The following VPS13B variants were observed in gnomAD, a reference collection of about 807,000 sequenced individuals.
The protein encoded by VPS13B is intermembrane lipid transfer protein VPS13B.
In VPS13B, 285 loss-of-function variants were observed where a neutral mutation model predicts 426.4. That is an observed-to-expected ratio of 0.67 (90% CI 0.61 to 0.74). The LOEUF is 0.74. Ranked by LOEUF, VPS13B falls within the 30% of genes least tolerant of loss-of-function variation. The pLI is 0.00. For synonymous variants in VPS13B, 1,676 were observed against 1,676.4 expected (o/e 1.00, Z 0.01); for missense variants, 4,537 against 4,782.6 (o/e 0.95, Z 1.51).
chr8:99,749,204 T>A (rs1810268665), intron 39 of VPS13B, among the ~76,000 whole-genome samples: 1 of 152,056 alleles, frequency 6.6e-6, no homozygotes, highest in Non-Finnish European at 1.5e-5. Context: ...GCAATAACCA[T>A]CACCTCAAGC....
intron 17 of VPS13B, among the ~76,000 whole-genome samples, chr8:99,237,853 A>G (rs1399398724): frequency 2.1e-5 from 3 of 140,018 alleles, no homozygotes; most frequent in Admixed American, 1.4e-4. Flanking sequence ...CCTGACCTGC[A>G]TTGTGCAGGT....
At chr8:99,865,200 A>G (rs1817038890) in intron 58 of VPS13B, among the ~76,000 whole-genome samples, 1 of 152,186 alleles carries the variant, frequency 6.6e-6, no homozygotes, top group Admixed American at 6.5e-5. Context: ...AGCCTTGCCC[A>G]CATTTACCAG....
chr8:99,105,423 G>A (rs1170028825), intron 5 of VPS13B, among the ~76,000 whole-genome samples: 6 of 152,052 alleles, frequency 3.9e-5, no homozygotes, highest in African/African-American at 1.4e-4. Flanking sequence ...CTGTCACCCA[G>A]GCTGAAGTGC....
At chr8:99,110,532 A>G (rs986981005) in intron 5 of VPS13B, among the ~76,000 whole-genome samples, 3 of 152,072 alleles carry the variant, frequency 2.0e-5, no homozygotes, top group Non-Finnish European at 2.9e-5. Context: ...GGTAGCCACT[A>G]GCCACATGTG....
At chr8:99,795,915 T>C (rs942128925) in intron 43 of VPS13B, among the ~76,000 whole-genome samples, 4 of 152,316 alleles carry the variant, frequency 2.6e-5, no homozygotes, top group East Asian at 3.9e-4. Context: ...TGTAATATCC[T>C]ACACAGATCT....
At chr8:99,635,979 T>C (rs1021241497) in intron 33 of VPS13B, among the ~76,000 whole-genome samples, 2 of 152,028 alleles carry the variant, frequency 1.3e-5, no homozygotes, top group African/African-American at 4.8e-5. Flanking sequence ...TAGCTACCAG[T>C]ACGGCTTTCA....
intron 19 of VPS13B, among the ~76,000 whole-genome samples, chr8:99,360,151 T>G (rs1278391700): frequency 2.9e-5 from 1 of 34,238 alleles, no homozygotes; most frequent in Non-Finnish European, 5.4e-5. Context: ...TCTTTCTTTC[T>G]TTCTTTCTTT....
At chr8:99,055,046 T>TTG (rs1410074297) in intron 3 of VPS13B, among the ~76,000 whole-genome samples, 1 of 150,654 alleles carries the variant, frequency 6.6e-6, no homozygotes, top group Non-Finnish European at 1.5e-5. Flanking sequence ...TTTTTTTTGT[T>TTG]TTTTTTTTTG....
At chr8:99,156,049 A>G (rs561308815) in intron 14 of VPS13B, among the ~76,000 whole-genome samples, 4 of 152,310 alleles carry the variant, frequency 2.6e-5, no homozygotes, top group South Asian at 4.1e-4. Context: ...TAACATGTGT[A>G]TTGTTAGTAG....
At chr8:99,852,895 T>A (rs945754862) in intron 55 of VPS13B, among the ~76,000 whole-genome samples, 3 of 152,038 alleles carry the variant, frequency 2.0e-5, no homozygotes, top group Non-Finnish European at 4.4e-5. Flanking sequence ...GGGTGTGAGT[T>A]GCTGGAGGGA....
chr8:99,106,129 A>G (rs1038808706), intron 5 of VPS13B, among the ~76,000 whole-genome samples: 22 of 152,006 alleles, frequency 1.4e-4, no homozygotes, highest in African/African-American at 5.3e-4. Flanking sequence ...AAGAAAGAGC[A>G]TTAAGCAAAA....
chr8:99,380,970 T>C (rs1813766491), intron 19 of VPS13B, among the ~76,000 whole-genome samples: 1 of 151,926 alleles, frequency 6.6e-6, no homozygotes, highest in African/African-American at 2.4e-5. Flanking sequence ...CATGGGGATT[T>C]ATTGTGCAGA....
chr8:99,577,358 T>A, intron 32 of VPS13B, 132 bp from the exon 33 acceptor site: 1 of 1,253,214 alleles, frequency 8.0e-7, no homozygotes. Context: ...ATTTTTGCTC[T>A]TCTCCTTAAT....
chr8:99,433,323 A>C (rs1817211844), intron 22 of VPS13B, among the ~76,000 whole-genome samples: 1 of 152,222 alleles, frequency 6.6e-6, no homozygotes, highest in African/African-American at 2.4e-5. Flanking sequence ...GCTTACCAGC[A>C]CACCCATTTT....
intron 8 of VPS13B, chr8:99,121,691 C>T: frequency 9.7e-7 from 1 of 1,027,284 alleles, no homozygotes. Flanking sequence ...AGTTTTTTGC[C>T]CTATTGAATC....
chr8:99,064,845 G>A (rs1195735264), intron 3 of VPS13B, among the ~76,000 whole-genome samples: 1 of 152,160 alleles, frequency 6.6e-6, no homozygotes, highest in African/African-American at 2.4e-5. Flanking sequence ...AAAATGTTAA[G>A]GGCAGCCAGA....
intron 33 of VPS13B, among the ~76,000 whole-genome samples, chr8:99,638,828 A>G (rs1829176562): frequency 6.6e-6 from 1 of 152,180 alleles, no homozygotes; most frequent in Admixed American, 6.6e-5. Context: ...CGTAACAATC[A>G]TGTAACTCTA....
At chr8:99,697,636 C>T (rs1184701365) in intron 35 of VPS13B, 6 of 646,990 alleles carry the variant, frequency 9.3e-6, no homozygotes, top group African/African-American at 7.3e-5. Flanking sequence ...TCTAAAGCCA[C>T]CAAGAGACTG....
At chr8:99,839,747 A>G (rs564137298) in intron 54 of VPS13B, among the ~76,000 whole-genome samples, 31 of 152,328 alleles carry the variant, frequency 2.0e-4, no homozygotes, top group Non-Finnish European at 3.2e-4. Flanking sequence ...TGATCTCCGC[A>G]TTCACCTAAT....
Sources: allele counts gnomAD v4.1 joint callset (sites outside exome capture counted in the v4.1 genomes callset), GRCh38; gene constraint gnomAD v4.1.1; transcripts MANE v1.5; gene names NCBI Gene and HGNC (gene_info 2026-07-23, HGNC 2026-07-21).